The following SNX29 variants were observed in gnomAD, a reference collection of about 807,000 sequenced individuals.
The protein encoded by SNX29 is sorting nexin 29.
Under a neutral mutation model 102.1 loss-of-function variants are expected in SNX29, and 78 were observed. The observed-to-expected ratio is 0.76, with a 90% CI of 0.64 to 0.92. The LOEUF (loss-of-function observed/expected upper bound fraction) is 0.92. Ranked by LOEUF, SNX29 falls within the 40% of genes least tolerant of loss-of-function variation. The pLI is 0.00. For missense variants in SNX29, 1,280 were observed against 1,061.7 expected (o/e 1.21, Z -2.86); for synonymous variants, 580 against 414.5 (o/e 1.40, Z -4.85).
intron 20 of SNX29, among the ~76,000 whole-genome samples, chr16:12,550,228 T>G (rs771728458): frequency 6.6e-6 from 1 of 152,158 alleles, no homozygotes; most frequent in Admixed American, 6.5e-5. Flanking sequence ...ACACAATACC[T>G]TTCTAATTTT....
chr16:12,439,954 CT>C (rs1442152226), intron 18 of SNX29, among the ~76,000 whole-genome samples: 1 of 152,212 alleles, frequency 6.6e-6, no homozygotes, highest in Non-Finnish European at 1.5e-5. Context: ...AACCGTCCAG[CT>C]GGTGTGTGGG....
At chr16:12,443,888 G>A (rs527528310) in intron 18 of SNX29, among the ~76,000 whole-genome samples, 1 of 152,338 alleles carries the variant, frequency 6.6e-6, no homozygotes, top group African/African-American at 2.4e-5. Flanking sequence ...CTTCTTCACT[G>A]GGGAATGTGA....
At position 12,436,886 on chromosome 16, in the gene SNX29, C is replaced by T. The variant is rs556578822; in HGVS notation, c.2037+33357C>T. ...TAGGCTGGTTTCGAACTACTGGCCT[C>T]AAGTGGTCTGCCTGCCTCGGCCTCC... On this transcript the variant is annotated intron_variant, in intron 18 of 20. Coordinates refer to ENST00000566228, the MANE Select transcript of SNX29 (RefSeq NM_032167.5). 1.2e-3 allele frequency among the ~76,000 whole-genome samples: 184 copies of T among 152,342 alleles called. 1 individual carries two copies. Among genetic ancestry groups the T allele is most frequent in the African/African-American group, 4.2e-3 (174 of 41,574 alleles).
At chr16:12,079,776 C>T (rs1249191017) in intron 11 of SNX29, among the ~76,000 whole-genome samples, 4 of 152,180 alleles carry the variant, frequency 2.6e-5, no homozygotes, top group Admixed American at 1.3e-4. Flanking sequence ...GACCGGGACT[C>T]CTCCTGTCTT....
chr16:12,089,083 C>T (rs2052364919), intron 11 of SNX29, among the ~76,000 whole-genome samples: 1 of 146,718 alleles, frequency 6.8e-6, no homozygotes, highest in African/African-American at 2.5e-5. Context: ...GAGACTTTGT[C>T]TCAAAAAGAA....
At chr16:12,563,241 A>G (rs1598082689) in intron 20 of SNX29, among the ~76,000 whole-genome samples, 4 of 152,186 alleles carry the variant, frequency 2.6e-5, no homozygotes, top group Middle Eastern at 3.4e-3. Flanking sequence ...CCTCCCCATC[A>G]TCACTGACCC....
chr16:12,338,177 A>T (rs1045569369), intron 15 of SNX29, among the ~76,000 whole-genome samples: 1 of 152,208 alleles, frequency 6.6e-6, no homozygotes, highest in African/African-American at 2.4e-5. Context: ...TGTTTAGACC[A>T]GACATCGCCT....
intron 20 of SNX29, among the ~76,000 whole-genome samples, chr16:12,548,590 C>G (rs980750689): frequency 6.6e-6 from 1 of 152,190 alleles, no homozygotes; most frequent in Non-Finnish European, 1.5e-5. Flanking sequence ...AAGTCCCACT[C>G]CAGGCCCGGG....
At chr16:12,058,797 GTTTTTTTTTTTTTT>G (rs34150245) in intron 8 of SNX29, among the ~76,000 whole-genome samples, 4 of 113,744 alleles carry the variant, frequency 3.5e-5, no homozygotes, top group African/African-American at 1.0e-4. Context: ...CCCGGCCTGG[GTTTTTTTTTTTTTT>G]TTTTTTTTTT....
chr16:12,040,698 A>G (rs2049845533), intron 4 of SNX29, among the ~76,000 whole-genome samples: 1 of 152,262 alleles, frequency 6.6e-6, no homozygotes. Flanking sequence ...CTGGAAAGCC[A>G]TCAAAAATCA....
At position 12,567,524 on chromosome 16, in the gene SNX29, C is replaced by T. The variant is rs535790602; in HGVS notation, c.2319-982C>T. ...GATTGGCCAGGCACAGTGGCTCACA[C>T]CTGTAATCCCAGCACTTTAGGAGGC... On this transcript the variant is annotated intron_variant, in intron 20 of 20. Coordinates refer to ENST00000566228, the MANE Select transcript of SNX29 (RefSeq NM_032167.5). Among the ~76,000 whole-genome samples the T allele has an allele frequency of 2.6e-5, 4 of 152,264 alleles. No individual in the cohort carries two copies. In the South Asian group the frequency reaches 6.2e-4, roughly 24 times the overall value.
intron 14 of SNX29, among the ~76,000 whole-genome samples, chr16:12,265,320 A>C (rs1045991254): frequency 6.6e-6 from 1 of 152,202 alleles, no homozygotes; most frequent in Non-Finnish European, 1.5e-5. Context: ...GCTGGGCTCC[A>C]TCACATGAGC....
chr16:12,071,002 C>T (rs1355746628), intron 10 of SNX29, among the ~76,000 whole-genome samples: 1 of 151,824 alleles, frequency 6.6e-6, no homozygotes, highest in Non-Finnish European at 1.5e-5. Flanking sequence ...TATCCTTTGC[C>T]CACTTTTTGA....
intron 19 of SNX29, among the ~76,000 whole-genome samples, chr16:12,515,956 G>T (rs751090868): frequency 6.6e-6 from 1 of 152,052 alleles, no homozygotes; most frequent in Non-Finnish European, 1.5e-5. Flanking sequence ...CTTTCTCCAC[G>T]TGTGGGCTAC....
rs1482585498 is a variant in SNX29, at chr16:12,096,296, C to T, written c.1402+17381C>T. Among the ~76,000 whole-genome samples the T allele has an allele frequency of 2.0e-5, 3 of 152,224 alleles. No homozygotes were observed. Among genetic ancestry groups the T allele is most frequent in the African/African-American group, 7.2e-5 (3 of 41,454 alleles). On this transcript the variant is annotated intron_variant, in intron 11 of 20. Transcript: ENST00000566228. The surrounding 1 kb of genome is among the most constrained non-coding windows in gnomAD (Gnocchi z 4.2). ...TTCCAGATGGCATTTAGACATGCCT[C>T]ACTTCTTTATCATCTGTTTATTCAT...
At chr16:12,366,551 C>T (rs886861573) in intron 16 of SNX29, among the ~76,000 whole-genome samples, 6 of 152,138 alleles carry the variant, frequency 3.9e-5, no homozygotes, top group African/African-American at 1.4e-4. Context: ...GTGCAGTGGG[C>T]CTGCCTGTGT....
At chr16:12,550,141 C>G (rs915490654) in intron 20 of SNX29, among the ~76,000 whole-genome samples, 3 of 152,200 alleles carry the variant, frequency 2.0e-5, no homozygotes, top group Non-Finnish European at 4.4e-5. Context: ...AAGGGAATAC[C>G]TTCCATACCG....
intron 20 of SNX29, chr16:12,560,927 G>A (rs909639653): frequency 4.4e-5 from 9 of 203,162 alleles, no homozygotes; most frequent in South Asian, 1.9e-4. Flanking sequence ...AAAGTACCTC[G>A]TGGTGTTGGG....
At chr16:12,266,686 G>A (rs200732883) in intron 14 of SNX29, among the ~76,000 whole-genome samples, 90 of 130,898 alleles carry the variant, frequency 6.9e-4, no homozygotes, top group Non-Finnish European at 7.6e-4. Flanking sequence ...ATCTATTATT[G>A]AAAAAAAAAA....
Sources: gnomAD v4.1 joint callset for allele counts (sites outside exome capture counted in the v4.1 genomes callset) on GRCh38, gnomAD v4.1.1 for gene constraint, Gnocchi (gnomAD v3.1) non-coding constraint, MANE v1.5 for transcripts, NCBI Gene and HGNC (gene_info 2026-07-23, HGNC 2026-07-21) for gene names.